The following CCDC141 variants were observed in gnomAD, a reference collection of about 807,000 sequenced individuals.
CCDC141 encodes coiled-coil domain containing 141.
Under a neutral mutation model 181.0 loss-of-function variants are expected in CCDC141, and 168 were observed. The ratio of observed to expected loss-of-function variants is 0.93; its 90% CI spans 0.82 to 1.05. The LOEUF (loss-of-function observed/expected upper bound fraction) is 1.05, where lower values mean the gene tolerates loss of function less well. Among genes scored for constraint, CCDC141 ranks in the 50% least tolerant of loss-of-function variants. The pLI is 0.00. For synonymous variants in CCDC141, 666 were observed against 642.3 expected, an observed-to-expected ratio of 1.04 and a Z score of -0.56; for missense variants, 1,902 against 1,788.5, an observed-to-expected ratio of 1.06 and a Z score of -1.14.
intron 6 of CCDC141, among the ~76,000 whole-genome samples, chr2:178,929,149 T>G (rs931813398): frequency 2.6e-5 from 4 of 152,198 alleles, no homozygotes; most frequent in Non-Finnish European, 5.9e-5. Context: ...CCCACTTTAT[T>G]TTTTAAATTA....
chr2:178,954,403 A>G (rs1690074521), intron 5 of CCDC141, among the ~76,000 whole-genome samples: 1 of 152,250 alleles, frequency 6.6e-6, no homozygotes, highest in Non-Finnish European at 1.5e-5. Context: ...CAATGATGAA[A>G]GAACATGCTA....
At chr2:178,917,329 T>C (rs1688496867) in intron 7 of CCDC141, among the ~76,000 whole-genome samples, 1 of 152,254 alleles carries the variant, frequency 6.6e-6, no homozygotes, top group Non-Finnish European at 1.5e-5. Flanking sequence ...TTTCCTCTCT[T>C]AAAGAAATCC....
chr2:179,024,948 C>G (rs771887414), intron 2 of CCDC141, among the ~76,000 whole-genome samples: 6 of 152,006 alleles, frequency 3.9e-5, no homozygotes, highest in Admixed American at 3.3e-4. Context: ...CTTTCTTTGC[C>G]TCTTTGGGTT....
intron 19 of CCDC141, among the ~76,000 whole-genome samples, chr2:178,854,417 G>T (rs556424015): frequency 6.6e-6 from 1 of 152,122 alleles, no homozygotes; most frequent in Non-Finnish European, 1.5e-5. Context: ...CCAGCTACTC[G>T]GGAGGCTGAG....
At chr2:178,874,048 C>G (rs910117077) in intron 12 of CCDC141, 7 of 152,072 alleles carry the variant, frequency 4.6e-5, no homozygotes, top group Admixed American at 4.6e-4. Context: ...AAAATATGAG[C>G]CACGACAACC....
At chr2:178,971,930 T>A (rs1690908983) in intron 4 of CCDC141, among the ~76,000 whole-genome samples, 1 of 151,372 alleles carries the variant, frequency 6.6e-6, no homozygotes, top group Non-Finnish European at 1.5e-5. Context: ...TGTCTGGGGG[T>A]GTGGGTTAGG....
intron 2 of CCDC141, among the ~76,000 whole-genome samples, chr2:179,019,384 G>A (rs1478451039): frequency 6.6e-6 from 1 of 152,090 alleles, no homozygotes; most frequent in Non-Finnish European, 1.5e-5. Flanking sequence ...TGATGAGAGA[G>A]AAGCATTCAT....
intron 8 of CCDC141, among the ~76,000 whole-genome samples, chr2:178,893,741 G>T (rs1010699598): frequency 2.0e-5 from 3 of 151,262 alleles, no homozygotes; most frequent in Admixed American, 6.6e-5. Flanking sequence ...CAATAAATTT[G>T]ATTCTTATTT....
chr2:178,940,820 C>T (rs1401678541), intron 6 of CCDC141, among the ~76,000 whole-genome samples: 1 of 152,182 alleles, frequency 6.6e-6, no homozygotes, highest in African/African-American at 2.4e-5. Flanking sequence ...ACTTCCCCCG[C>T]CCAGACTTAC....
chr2:178,888,363 A>G (rs145368867), intron 9 of CCDC141, among the ~76,000 whole-genome samples, 164 bp downstream of exon 9: 3 of 152,318 alleles, frequency 2.0e-5, no homozygotes, highest in Admixed American at 6.5e-5. Flanking sequence ...TTGATGAACA[A>G]CAGTGAATTA....
intron 2 of CCDC141, among the ~76,000 whole-genome samples, chr2:178,986,705 C>T (rs867949337): frequency 6.6e-6 from 1 of 151,822 alleles, no homozygotes; most frequent in Non-Finnish European, 1.5e-5. Context: ...CATGAGTGAA[C>T]TCCCATTCAC....
rs2154368932 is a variant in CCDC141 at position 178,869,156 on chromosome 2, G to C, written c.2355C>G (p.Ile785Met). 4.3e-6 allele frequency: 7 copies of C among 1,612,734 alleles called. No homozygotes were observed. Among genetic ancestry groups the C allele is most frequent in the Non-Finnish European group, 5.9e-6 (7 of 1,179,466 alleles). Residue 785 changes from isoleucine (I) to methionine (M), a missense_variant, in exon 15 of 24, where the codon ATC becomes ATG. Physicochemically the swap from Ile to Met is conservative, Grantham distance 10 (BLOSUM62 1). Coordinates refer to ENST00000443758, the MANE Select transcript of CCDC141 (RefSeq NM_173648.4). Reference protein sequence around the residue: ...QKERIQDYEDILYKVVQFHQV... With the variant: ...QKERIQDYEDMLYKVVQFHQV... ...GATGGAACTGGACCACCTTGTACAG[G>C]ATATCCTCGTAATCCTGGATTCTCT... is the stretch of plus-strand genomic sequence containing the variant.
At chr2:178,964,424 TGTTATG>T (rs1690537107) in intron 4 of CCDC141, among the ~76,000 whole-genome samples, 1 of 152,196 alleles carries the variant, frequency 6.6e-6, no homozygotes, top group Non-Finnish European at 1.5e-5. Flanking sequence ...ATGGTCAACC[TGTTATG>T]GTTCCCATGA....
Position 178,984,769 on chromosome 2 carries a change from T to C in CCDC141, c.226-6094A>G, listed in dbSNP as rs1463403223. 2.6e-5 allele frequency among the ~76,000 whole-genome samples: 4 copies of C among 151,766 alleles called. No homozygotes were observed. The East Asian group carries it at 5.8e-4, about 22-fold the overall frequency. On this transcript the variant is annotated intron_variant, in intron 2 of 23. Coordinates refer to ENST00000443758, the MANE Select transcript of CCDC141 (RefSeq NM_173648.4). ...TCAATTCAACAAGAAGAGCTAACTATCCTAAATATATATGCACCCAATACA... is the reference window on the plus strand; with the variant it reads ...TCAATTCAACAAGAAGAGCTAACTACCCTAAATATATATGCACCCAATACA...
intron 7 of CCDC141, among the ~76,000 whole-genome samples, chr2:178,909,245 T>C (rs113982017): frequency 8.9e-6 from 1 of 112,906 alleles, no homozygotes; most frequent in East Asian, 2.1e-4. Context: ...AGGACAAAGA[T>C]AGCCCATAAT....
intron 2 of CCDC141, among the ~76,000 whole-genome samples, chr2:179,022,419 C>A (rs1263893517): frequency 6.6e-6 from 1 of 152,112 alleles, no homozygotes; most frequent in Non-Finnish European, 1.5e-5. Flanking sequence ...AAGCTAACGT[C>A]TGTTCACAGG....
intron 2 of CCDC141, among the ~76,000 whole-genome samples, chr2:178,981,425 A>C (rs1229420010): frequency 6.6e-6 from 1 of 151,750 alleles, no homozygotes; most frequent in African/African-American, 2.4e-5. Flanking sequence ...ATTAAACTAA[A>C]TGTCAATAAC....
chr2:179,042,379 C>T (rs948770851), intron 2 of CCDC141, among the ~76,000 whole-genome samples: 28 of 152,100 alleles, frequency 1.8e-4, no homozygotes, highest in African/African-American at 6.0e-4. Context: ...AGTCTTGCTC[C>T]GTCTGTCGCC....
intron 2 of CCDC141, among the ~76,000 whole-genome samples, chr2:179,039,564 C>T (rs2043237046): frequency 6.6e-6 from 1 of 152,128 alleles, no homozygotes; most frequent in Non-Finnish European, 1.5e-5. Context: ...ACCAGAGAGA[C>T]TTAAGTGTTG....
Sources: allele counts gnomAD v4.1 joint callset (sites outside exome capture counted in the v4.1 genomes callset), GRCh38; gene constraint gnomAD v4.1.1; transcripts MANE v1.5; gene names NCBI Gene and HGNC (gene_info 2026-07-23, HGNC 2026-07-21).